ALMS1: variants seen among roughly 807,000 people sequenced by gnomAD.
ALMS1 encodes ALMS1 centrosome and basal body associated protein.
A neutral mutation model predicts 352.2 loss-of-function variants in ALMS1; 271 were observed. The observed-to-expected ratio is 0.77, with a 90% CI of 0.70 to 0.85. The LOEUF (loss-of-function observed/expected upper bound fraction) is 0.85, where lower values mean the gene tolerates loss of function less well. ALMS1 is among the 40% of genes least tolerant of loss of function. ALMS1 has a pLI of 0.00. For missense variants in ALMS1, 5,445 were observed against 4,870.7 expected (o/e 1.12, Z -3.51); for synonymous variants, 1,865 against 1,761.2 (o/e 1.06, Z -1.48).
chr2:73,585,337 G>A (rs1456518460), intron 16 of ALMS1, among the ~76,000 whole-genome samples: 1 of 150,418 alleles, frequency 6.6e-6, no homozygotes, highest in Non-Finnish European at 1.5e-5. Flanking sequence ...CAGGAGTAAT[G>A]TGGTATCTCA....
rs559222692 is a variant in ALMS1 at position 73,480,444 on chromosome 2, A to G, written c.7675-9190A>G. 2.8e-3 allele frequency among the ~76,000 whole-genome samples: 421 copies of G among 152,304 alleles called. 3 individuals are homozygous for G. Among genetic ancestry groups the G allele is most frequent in the African/African-American group, 9.5e-3 (396 of 41,550 alleles). ...GGCTGCATAGTATTCCATGGTGTAT[A>G]TGTGCCACATTTTCTTAATCCAGTC... On this transcript the variant is annotated intron_variant, in intron 9 of 22. Coordinates refer to ENST00000613296, the MANE Select transcript of ALMS1 (RefSeq NM_001378454.1).
intron 21 of ALMS1, among the ~76,000 whole-genome samples, chr2:73,606,454 A>G (rs548691910): frequency 3.9e-5 from 6 of 152,188 alleles, no homozygotes; most frequent in Non-Finnish European, 7.3e-5. Flanking sequence ...TCCCTGCTGT[A>G]AGGGACTAGG....
chr2:73,580,415 C>A (rs1305666425), intron 16 of ALMS1, among the ~76,000 whole-genome samples: 1 of 152,072 alleles, frequency 6.6e-6, no homozygotes, highest in African/African-American at 2.4e-5. Flanking sequence ...CTATTTGATT[C>A]CTCTTTGTCT....
At chr2:73,573,557 A>G in intron 16 of ALMS1, 133 bp downstream of exon 16, 1 of 893,146 alleles carries the variant, frequency 1.1e-6, no homozygotes, top group Admixed American at 2.0e-5. Flanking sequence ...CAACTGGAAA[A>G]GAGTGAGAAA....
Position 73,557,298 on chromosome 2 carries a change from C to T in ALMS1, c.10157C>T (p.Ala3386Val). The change falls in exon 14 of 23, where the codon GCA (alanine) becomes GTA (valine). Residue 3386 changes from alanine (A) to valine (V), a missense_variant. By Grantham distance (64) the Ala-to-Val change is moderately conservative. Transcript: ENST00000613296. ...CAGCAAGAGATTCACAGTACAAGGG[C>T]AGTGACTGAGGCTGCCCAGGCTAAA... Reference protein sequence around the residue: ...KKQQEIHSTRAVTEAAQAKEK... With the variant: ...KKQQEIHSTRVVTEAAQAKEK... 1.2e-6 allele frequency: 2 copies of T among 1,614,132 alleles called. No individual in the cohort carries two copies. The highest frequency in any genetic ancestry group is 1.7e-6 in the Non-Finnish European group (2 of 1,180,024).
intron 9 of ALMS1, among the ~76,000 whole-genome samples, chr2:73,480,315 G>A (rs942719138): frequency 4.9e-4 from 75 of 152,038 alleles, no homozygotes; most frequent in Non-Finnish European, 1.0e-3. Context: ...CTATGAGTGA[G>A]AATATGCGGT....
At chr2:73,595,885 A>G (rs1675536795) in intron 16 of ALMS1, among the ~76,000 whole-genome samples, 1 of 152,196 alleles carries the variant, frequency 6.6e-6, no homozygotes. Flanking sequence ...CTAATGACTG[A>G]TGATGTTGAA....
chr2:73,513,643 A>G (rs889629624), intron 10 of ALMS1, among the ~76,000 whole-genome samples: 13 of 152,042 alleles, frequency 8.6e-5, no homozygotes, highest in Non-Finnish European at 2.9e-5. Flanking sequence ...TTCCTTCTCT[A>G]CTGCAGCTCT....
intron 13 of ALMS1, among the ~76,000 whole-genome samples, chr2:73,553,519 G>C (rs1674482860): frequency 6.6e-6 from 1 of 152,144 alleles, no homozygotes; most frequent in African/African-American, 2.4e-5. Context: ...ATGAAGTAGG[G>C]ATTGGCACAT....
chr2:73,595,132 T>A (rs1675519084), intron 16 of ALMS1, among the ~76,000 whole-genome samples: 1 of 152,218 alleles, frequency 6.6e-6, no homozygotes, highest in Non-Finnish European at 1.5e-5. Flanking sequence ...AAATATTTGA[T>A]CAAGAGTGTC....
Position 73,385,925 on chromosome 2 carries a change from GGAGGAGGAGGAGGAGGAA to G in ALMS1, c.68_85del (p.Glu23_Glu28del). On this transcript the variant is annotated inframe_deletion, in exon 1 of 23. Coordinates refer to ENST00000613296, the MANE Select transcript of ALMS1 (RefSeq NM_001378454.1). ...AGCTGGAGGAGGAGGAGGAGGAGGAGGAGGAGGAGGAGGAGGAAGAGGAGGAGGCTGCAGCGGCGGCGG... is the reference window on the plus strand; with the variant it reads ...AGCTGGAGGAGGAGGAGGAGGAGGAGGAGGAGGAGGCTGCAGCGGCGGCGG... 1 of 1,008,104 alleles carries G rather than the reference GGAGGAGGAGGAGGAGGAA, an allele frequency of 9.9e-7. No homozygotes were observed. Among genetic ancestry groups the G allele is most frequent in the Non-Finnish European group, 1.5e-6 (1 of 658,936 alleles). The allele number at this position is 1,008,104 out of a possible 1,614,324, so 62.4% of individuals were successfully genotyped here. A position where few individuals can be genotyped will look rare whatever the true frequency, so the allele number is the denominator to read the frequency against.
chr2:73,508,544 T>C (rs1006924101), intron 10 of ALMS1, among the ~76,000 whole-genome samples: 2 of 152,118 alleles, frequency 1.3e-5, no homozygotes, highest in African/African-American at 4.8e-5. Flanking sequence ...TTGATTGCAC[T>C]GTAGTCTGAG....
chr2:73,431,064 G>T (rs1424555976), intron 6 of ALMS1, among the ~76,000 whole-genome samples: 3 of 152,006 alleles, frequency 2.0e-5, no homozygotes, highest in Non-Finnish European at 4.4e-5. Flanking sequence ...TCTTTGTTAT[G>T]GTGGGAGGCG....
rs769806417 is a variant in ALMS1, at chr2:73,599,583, G to A, written c.11668+62G>A. The A allele has an allele frequency of 3.3e-4, 500 of 1,535,548 alleles. 1 individual carries two copies. Among genetic ancestry groups the A allele is most frequent in the Middle Eastern group, 1.7e-3 (10 of 5,948 alleles). ...ATTGAAATGGCTCTTAAACATGTAA[G>A]ATACTCAACCTCAATCATAATAAAG... On this transcript the variant is annotated intron_variant, in intron 17 of 22. Transcript: ENST00000613296.
At chr2:73,419,412 G>A (rs935334406) in intron 3 of ALMS1, 94 bp downstream of exon 3, 14 of 1,260,946 alleles carry the variant, frequency 1.1e-5, no homozygotes, top group Middle Eastern at 1.9e-4. Context: ...TTTGAGTTAA[G>A]GAGCTCTGTA....
At chr2:73,488,610 C>T (rs78194581) in intron 9 of ALMS1, among the ~76,000 whole-genome samples, 2,474 of 152,290 alleles carry the variant, frequency 0.016, 69 homozygotes, top group African/African-American at 0.056. Flanking sequence ...CTCAGTACAG[C>T]GAGTAGCCCT....
intron 1 of ALMS1, among the ~76,000 whole-genome samples, chr2:73,399,936 G>GTTTTTT (rs1382540969): frequency 8.4e-6 from 1 of 119,144 alleles, no homozygotes; most frequent in African/African-American, 3.2e-5. Flanking sequence ...TATATTAATT[G>GTTTTTT]TTTTTTTTTT....
At chr2:73,487,692 A>T (rs1052283513) in intron 9 of ALMS1, among the ~76,000 whole-genome samples, 3 of 152,108 alleles carry the variant, frequency 2.0e-5, no homozygotes, top group Admixed American at 6.5e-5. Context: ...ATGAAGAATG[A>T]GGTATGTGGA....
chr2:73,583,106 T>C (rs1032392195), intron 16 of ALMS1, among the ~76,000 whole-genome samples: 1 of 152,162 alleles, frequency 6.6e-6, no homozygotes, highest in Admixed American at 6.5e-5. Flanking sequence ...TGCATTGCTC[T>C]TATGCTTAGT....
Sources: allele counts gnomAD v4.1 joint callset (sites outside exome capture counted in the v4.1 genomes callset), GRCh38; gene constraint gnomAD v4.1.1; transcripts MANE v1.5; gene names NCBI Gene and HGNC (gene_info 2026-07-23, HGNC 2026-07-21).